Variants in LMNTD1 observed in about 807,000 individuals in gnomAD.
The protein encoded by LMNTD1 is lamin tail domain-containing protein 1.
A neutral mutation model predicts 50.9 loss-of-function variants in LMNTD1; 35 were observed. The observed-to-expected ratio is 0.69, with a 90% confidence interval of 0.53 to 0.91. LMNTD1 has a LOEUF of 0.91. LMNTD1 is among the 40% of genes least tolerant of loss of function. The pLI is 0.00. For synonymous variants in LMNTD1, 153 were observed against 161.9 expected (o/e 0.94, Z 0.42); for missense variants, 470 against 475.5 (o/e 0.99, Z 0.11).
At chr12:25,514,171 T>C (rs1415252131) in intron 8 of LMNTD1, among the ~76,000 whole-genome samples, 2 of 152,128 alleles carry the variant, frequency 1.3e-5, no homozygotes, top group Non-Finnish European at 1.5e-5. Flanking sequence ...AACAGTGTTA[T>C]TGGCACAGTG....
At chr12:25,635,520 T>C (rs1011588474) in intron 1 of LMNTD1, among the ~76,000 whole-genome samples, 4 of 152,198 alleles carry the variant, frequency 2.6e-5, no homozygotes, top group African/African-American at 7.2e-5. Flanking sequence ...CCCATGCTCA[T>C]GGATGGATAG....
chr12:25,477,337 G>A (rs1190207976), intron 9 of LMNTD1, among the ~76,000 whole-genome samples: 2 of 152,070 alleles, frequency 1.3e-5, no homozygotes, highest in African/African-American at 4.8e-5. Context: ...GAGAGAGAGA[G>A]AAAGTGAAGA....
intron 2 of LMNTD1, among the ~76,000 whole-genome samples, chr12:25,552,499 C>T (rs766960642): frequency 1.4e-5 from 2 of 143,952 alleles, no homozygotes; most frequent in Non-Finnish European, 3.0e-5. Flanking sequence ...CTAGCTACTC[C>T]GAGAGGCTGA....
chr12:25,633,546 A>G (rs1565530188), intron 1 of LMNTD1, among the ~76,000 whole-genome samples: 1 of 152,186 alleles, frequency 6.6e-6, no homozygotes, highest in Non-Finnish European at 1.5e-5. Context: ...AGCAAACACA[A>G]GGAAATTAAA....
chr12:25,622,472 C>CCCCCG (rs1946495959), intron 1 of LMNTD1, among the ~76,000 whole-genome samples: 3 of 137,720 alleles, frequency 2.2e-5, no homozygotes, highest in African/African-American at 5.4e-5. Flanking sequence ...AGCCCGCCCC[C>CCCCCG]CCCCGCAAAA....
At chr12:25,479,979 T>G (rs1938394981) in intron 9 of LMNTD1, among the ~76,000 whole-genome samples, 1 of 152,182 alleles carries the variant, frequency 6.6e-6, no homozygotes. Context: ...CCTGCCACCA[T>G]GACAACTTTG....
intron 1 of LMNTD1, among the ~76,000 whole-genome samples, chr12:25,643,150 TAA>T (rs1946988498): frequency 6.6e-6 from 1 of 152,212 alleles, no homozygotes; most frequent in South Asian, 2.1e-4. Context: ...TAGATTGTAA[TAA>T]GAGTCATACA....
At chr12:25,621,910 A>G (rs1476190026) in intron 1 of LMNTD1, among the ~76,000 whole-genome samples, 3 of 152,218 alleles carry the variant, frequency 2.0e-5, no homozygotes, top group African/African-American at 7.2e-5. Context: ...AACTGATGTG[A>G]TTGCCTCCAT....
chr12:25,611,638 T>A (rs1288806746), intron 1 of LMNTD1, among the ~76,000 whole-genome samples: 1 of 152,218 alleles, frequency 6.6e-6, no homozygotes, highest in Non-Finnish European at 1.5e-5. Flanking sequence ...TTCCAAAATA[T>A]GATTGAGAAG....
At chr12:25,518,503 C>A (rs1940970490) in intron 8 of LMNTD1, among the ~76,000 whole-genome samples, 1 of 149,722 alleles carries the variant, frequency 6.7e-6, no homozygotes, top group South Asian at 2.1e-4. Context: ...AGTGTTTTTT[C>A]ATTGAACTTC....
At chr12:25,536,016 A>C (rs1942557231) in intron 4 of LMNTD1, among the ~76,000 whole-genome samples, 5 of 152,198 alleles carry the variant, frequency 3.3e-5, no homozygotes. Context: ...GGATCAATTC[A>C]TCAGAAGGAT....
At chr12:25,648,449 G>A in intron 1 of LMNTD1, 1 of 1,489,656 alleles carries the variant, frequency 6.7e-7, no homozygotes, top group Non-Finnish European at 9.2e-7. Context: ...AGGGAAGCCA[G>A]CGAATTGCCT....
At position 25,526,995 on chromosome 12, in the gene LMNTD1, T is replaced by G. The variant is rs768619099; in HGVS notation, c.492-40A>C. The G allele has an allele frequency of 4.1e-6, 6 of 1,456,514 alleles. No homozygotes were observed. The East Asian group carries it at 1.4e-4, about 34-fold the overall frequency. 90.2% of individuals were successfully genotyped at this position (1,456,514 alleles called of 1,614,324 possible). On this transcript the variant is annotated intron_variant, in intron 4 of 9. Transcript: ENST00000458174. ...ACAAAGATTGTAAGCTGCCTTCAGA[T>G]AGGAGTGTCTTTGACTCACTTTAAG...
At chr12:25,565,708 T>G (rs1034279400) in intron 1 of LMNTD1, among the ~76,000 whole-genome samples, 1 of 152,218 alleles carries the variant, frequency 6.6e-6, no homozygotes, top group Non-Finnish European at 1.5e-5. Context: ...ATGACTTCTT[T>G]TTGCTCATCA....
intron 1 of LMNTD1, among the ~76,000 whole-genome samples, chr12:25,599,586 A>C (rs1277680273): frequency 1.3e-5 from 2 of 152,072 alleles, no homozygotes; most frequent in Admixed American, 1.3e-4. Context: ...TAGAACTGCT[A>C]AACAAATTCA....
intron 4 of LMNTD1, among the ~76,000 whole-genome samples, chr12:25,538,837 T>G (rs1484055689): frequency 2.4e-5 from 3 of 125,624 alleles, no homozygotes; most frequent in Non-Finnish European, 5.2e-5. Context: ...CCATCTCACG[T>G]GCAGAGACAC....
intron 9 of LMNTD1, among the ~76,000 whole-genome samples, chr12:25,484,829 T>G (rs2135909692): frequency 6.9e-6 from 1 of 144,074 alleles, no homozygotes. Flanking sequence ...ACAAAGGATG[T>G]GAACTCATCA....
intron 1 of LMNTD1, among the ~76,000 whole-genome samples, chr12:25,605,926 G>A (rs1166540276): frequency 2.3e-4 from 35 of 152,174 alleles, no homozygotes; most frequent in Non-Finnish European, 7.3e-5. Context: ...ACCTTGGGCA[G>A]TATGGCCATT....
At chr12:25,604,556 T>A (rs541143569) in intron 1 of LMNTD1, among the ~76,000 whole-genome samples, 1 of 151,712 alleles carries the variant, frequency 6.6e-6, no homozygotes, top group Non-Finnish European at 1.5e-5. Flanking sequence ...TGTCCATGTG[T>A]TCTCATTGTT....
Sources: allele counts gnomAD v4.1 joint callset (sites outside exome capture counted in the v4.1 genomes callset), GRCh38; gene constraint gnomAD v4.1.1; transcripts MANE v1.5; gene names NCBI Gene and HGNC (gene_info 2026-07-23, HGNC 2026-07-21).